NDST4: variants seen among roughly 807,000 people sequenced by gnomAD.
NDST4 encodes N-deacetylase and N-sulfotransferase 4.
In NDST4, 63 loss-of-function variants were observed where a neutral mutation model predicts 100.8. That is an observed-to-expected ratio of 0.62 (90% CI 0.51 to 0.77). NDST4 has a LOEUF of 0.77. NDST4 is among the 30% of genes least tolerant of loss of function. The pLI, the probability that NDST4 is intolerant of heterozygous loss-of-function variation, is 0.00. For missense variants in NDST4, 943 were observed against 1,018.4 expected (o/e 0.93, Z 1.01); for synonymous variants, 377 against 361.8 (o/e 1.04, Z -0.48).
chr4:115,030,705 A>T (rs1054683699), intron 2 of NDST4, among the ~76,000 whole-genome samples: 1 of 152,138 alleles, frequency 6.6e-6, no homozygotes. Context: ...TTAAAGAGAG[A>T]TAGGAAAAAC....
At chr4:114,994,152 C>T (rs1578438556) in intron 2 of NDST4, among the ~76,000 whole-genome samples, 1 of 151,778 alleles carries the variant, frequency 6.6e-6, no homozygotes, top group East Asian at 1.9e-4. Context: ...GCTCCGTGAT[C>T]TTAGCAAGAA....
In NDST4 at chr4:114,943,093, AT is replaced by A. The variant is rs1725785381; in HGVS notation, c.1222-5591del. 6.8e-5 allele frequency among the ~76,000 whole-genome samples: 10 copies of A among 147,722 alleles called. No individual in the cohort carries two copies. In the South Asian group the frequency reaches 2.1e-3, roughly 31 times the overall value. On this transcript the variant is annotated intron_variant, in intron 4 of 13. Transcript: ENST00000264363. ...TATATTATATAATATAATTTAAATT[AT>A]ATTATATATGTATATGATAAGGATA...
At chr4:115,008,282 G>A (rs1233858676) in intron 2 of NDST4, among the ~76,000 whole-genome samples, 3 of 129,230 alleles carry the variant, frequency 2.3e-5, no homozygotes, top group African/African-American at 8.8e-5. Context: ...TTTAGTTGAT[G>A]CAGTTTCTTC....
intron 6 of NDST4, among the ~76,000 whole-genome samples, chr4:114,888,720 C>T (rs1396414443): frequency 6.6e-6 from 1 of 152,054 alleles, no homozygotes; most frequent in African/African-American, 2.4e-5. Flanking sequence ...CAAATTTTAT[C>T]CCACCTCTTT....
intron 2 of NDST4, among the ~76,000 whole-genome samples, chr4:115,020,919 T>C (rs565028190): frequency 2.0e-5 from 3 of 152,052 alleles, no homozygotes; most frequent in Non-Finnish European, 4.4e-5. Flanking sequence ...ACAGTAGATA[T>C]TGGCATGGAC....
At chr4:115,052,790 T>TTC in intron 2 of NDST4, among the ~76,000 whole-genome samples, 1 of 152,102 alleles carries the variant, frequency 6.6e-6, no homozygotes, top group Non-Finnish European at 1.5e-5. Context: ...ATTCAACAAA[T>TTC]ATTCAGTTAA....
intron 2 of NDST4, among the ~76,000 whole-genome samples, chr4:115,019,239 G>C (rs1334621556): frequency 6.6e-6 from 1 of 151,900 alleles, no homozygotes; most frequent in African/African-American, 2.4e-5. Context: ...GGCTTCTTTA[G>C]TGTCCCCCCA....
chr4:115,024,732 T>C (rs2126266942), intron 2 of NDST4, among the ~76,000 whole-genome samples: 1 of 152,092 alleles, frequency 6.6e-6, no homozygotes, highest in South Asian at 2.1e-4. Context: ...AGAATGAATG[T>C]AATTTGTATG....
chr4:115,040,007 C>A (rs1728317017), intron 2 of NDST4, among the ~76,000 whole-genome samples: 2 of 150,336 alleles, frequency 1.3e-5, no homozygotes, highest in African/African-American at 4.9e-5. Flanking sequence ...TCATACATAC[C>A]CATATATATA....
At chr4:114,997,454 G>A (rs149819549) in intron 2 of NDST4, among the ~76,000 whole-genome samples, 1 of 152,148 alleles carries the variant, frequency 6.6e-6, no homozygotes, top group African/African-American at 2.4e-5. Context: ...TAAGGAGTAT[G>A]AAACTTATCA....
intron 7 of NDST4, among the ~76,000 whole-genome samples, chr4:114,863,058 C>T (rs960337596): frequency 5.3e-5 from 8 of 152,134 alleles, no homozygotes; most frequent in African/African-American, 1.7e-4. Flanking sequence ...ACTTTATTAA[C>T]GGATGTTTGT....
chr4:115,070,928 A>C (rs969956614), intron 2 of NDST4, among the ~76,000 whole-genome samples: 25 of 152,066 alleles, frequency 1.6e-4, no homozygotes, highest in African/African-American at 6.0e-4. Flanking sequence ...AACATGGTGA[A>C]ACCTTGTCTC....
chr4:114,846,317 G>T (rs1314970347), intron 9 of NDST4, among the ~76,000 whole-genome samples: 1 of 152,086 alleles, frequency 6.6e-6, no homozygotes, highest in Non-Finnish European at 1.5e-5. Context: ...TTTGCCTGTG[G>T]CAAATAGCAA....
At chr4:115,044,067 C>A (rs1438767089) in intron 2 of NDST4, among the ~76,000 whole-genome samples, 1 of 151,982 alleles carries the variant, frequency 6.6e-6, no homozygotes, top group Non-Finnish European at 1.5e-5. Context: ...CTGTTTAAAA[C>A]CTACTAAATT....
At chr4:114,902,531 T>C (rs1578377253) in intron 6 of NDST4, among the ~76,000 whole-genome samples, 4 of 152,166 alleles carry the variant, frequency 2.6e-5, no homozygotes, top group South Asian at 4.1e-4. Context: ...TTGAATATGA[T>C]GTGCGTAGGT....
At chr4:114,900,290 T>C (rs558949779) in intron 6 of NDST4, among the ~76,000 whole-genome samples, 159 of 152,144 alleles carry the variant, frequency 1.0e-3, no homozygotes, top group Non-Finnish European at 2.0e-3. Context: ...TTTTGGTTTC[T>C]TGATTTTCTC....
At chr4:114,917,480 G>A (rs916196871) in intron 6 of NDST4, among the ~76,000 whole-genome samples, 1 of 151,970 alleles carries the variant, frequency 6.6e-6, no homozygotes, top group Non-Finnish European at 1.5e-5. Context: ...ACAGCATAAT[G>A]TACTGATCAA....
At chr4:115,073,207 T>C (rs1195967107) in intron 2 of NDST4, among the ~76,000 whole-genome samples, 3 of 152,010 alleles carry the variant, frequency 2.0e-5, no homozygotes, top group Non-Finnish European at 2.9e-5. Flanking sequence ...AACCCTCATG[T>C]ACATGGGTGG....
intron 6 of NDST4, among the ~76,000 whole-genome samples, chr4:114,878,935 C>A (rs6818268): frequency 0.086 from 13,043 of 151,930 alleles, 1,636 homozygotes; most frequent in African/African-American, 0.27. Context: ...TCTGGTTAAA[C>A]CAGTAAATTT....
Sources: gnomAD v4.1 joint callset for allele counts (sites outside exome capture counted in the v4.1 genomes callset) on GRCh38, gnomAD v4.1.1 for gene constraint, MANE v1.5 for transcripts, NCBI Gene and HGNC (gene_info 2026-07-23, HGNC 2026-07-21) for gene names.